The following STK39 variants were observed in gnomAD, a reference collection of about 807,000 sequenced individuals.
STK39 encodes serine/threonine kinase 39.
STK39 carries 20 observed loss-of-function variants against 77.8 expected under a neutral mutation model. The observed-to-expected ratio is 0.26, with a 90% CI of 0.18 to 0.37. The LOEUF (loss-of-function observed/expected upper bound fraction) is 0.37. Among genes scored for constraint, STK39 ranks in the 10% least tolerant of loss-of-function variants. The probability of loss-of-function intolerance (pLI) is 1.00; values close to 1 mark genes in which losing one functional copy is unlikely to be tolerated. For synonymous variants in STK39, 246 were observed against 234.1 expected, an observed-to-expected ratio of 1.05 and a Z score of -0.47; for missense variants, 479 against 656.5, an observed-to-expected ratio of 0.73 and a Z score of 2.95.
chr2:168,146,198 A>G (rs1688135553), intron 5 of STK39, among the ~76,000 whole-genome samples: 1 of 152,186 alleles, frequency 6.6e-6, no homozygotes, highest in African/African-American at 2.4e-5. Flanking sequence ...GATTTCCTTG[A>G]GCTTACAGAA....
intron 1 of STK39, among the ~76,000 whole-genome samples, chr2:168,193,997 C>G (rs567700645): frequency 5.8e-4 from 88 of 152,300 alleles, no homozygotes; most frequent in African/African-American, 1.7e-3. Flanking sequence ...AAGCAGATGC[C>G]TCGGCGTCAG....
intron 10 of STK39, among the ~76,000 whole-genome samples, chr2:168,076,661 T>C (rs1399048977): frequency 1.3e-5 from 2 of 152,184 alleles, no homozygotes; most frequent in Admixed American, 6.5e-5. Flanking sequence ...TTTTTCATAA[T>C]TGCAAATAGT....
At chr2:168,093,166 T>C (rs1345531644) in intron 10 of STK39, among the ~76,000 whole-genome samples, 4 of 152,202 alleles carry the variant, frequency 2.6e-5, no homozygotes, top group African/African-American at 7.2e-5. Context: ...AGTCTGAGCT[T>C]TTCCATAAAG....
intron 10 of STK39, among the ~76,000 whole-genome samples, chr2:168,105,890 A>G (rs1413303444): frequency 6.6e-6 from 1 of 152,250 alleles, no homozygotes; most frequent in Non-Finnish European, 1.5e-5. Flanking sequence ...TTAAAGAACA[A>G]TGAGGGTTTC....
chr2:168,227,736 C>G (rs1160378369), intron 1 of STK39, among the ~76,000 whole-genome samples: 1 of 152,192 alleles, frequency 6.6e-6, no homozygotes, highest in Non-Finnish European at 1.5e-5. Context: ...CAGCTCACTG[C>G]AAGCTCCACC....
rs149482009 is a variant in STK39 at position 168,180,853 on chromosome 2, C to T, written c.321+1125G>A. Among the ~76,000 whole-genome samples, 341 of 152,236 alleles carry T rather than the reference C, an allele frequency of 2.2e-3. 2 individuals carry two copies. Among genetic ancestry groups the T allele is most frequent in the African/African-American group, 7.8e-3 (326 of 41,536 alleles). ...CCCTGGTTCTCTTCTGAGTTTTAGC[C>T]GGCAATCCATTGCTTCAATAAAACC... On this transcript the variant is annotated intron_variant, in intron 2 of 17. Coordinates refer to ENST00000355999, the MANE Select transcript of STK39 (RefSeq NM_013233.3).
chr2:168,167,930 C>T (rs1688729518), intron 2 of STK39, among the ~76,000 whole-genome samples: 1 of 152,148 alleles, frequency 6.6e-6, no homozygotes, highest in South Asian at 2.1e-4. Context: ...TATTATTTCC[C>T]AGCTATCTGC....
chr2:167,970,174 T>A (rs1374841506), intron 16 of STK39, among the ~76,000 whole-genome samples: 3 of 152,204 alleles, frequency 2.0e-5, no homozygotes, highest in Non-Finnish European at 4.4e-5. Context: ...ACTCTCTCGT[T>A]ACCCAGAATT....
chr2:168,044,449 A>G (rs1480898978), intron 14 of STK39, among the ~76,000 whole-genome samples: 1 of 152,230 alleles, frequency 6.6e-6, no homozygotes, highest in Admixed American at 6.5e-5. Flanking sequence ...AAGAGAGGTT[A>G]CTGGGCATCA....
At chr2:168,189,527 T>G (rs1317139692) in intron 1 of STK39, among the ~76,000 whole-genome samples, 8 of 152,184 alleles carry the variant, frequency 5.3e-5, no homozygotes, top group African/African-American at 1.9e-4. Flanking sequence ...GTAATAACTT[T>G]CAATGATAAT....
chr2:168,139,727 C>T (rs1284334654), intron 7 of STK39, among the ~76,000 whole-genome samples: 1 of 152,058 alleles, frequency 6.6e-6, no homozygotes, highest in African/African-American at 2.4e-5. Flanking sequence ...AGCCCTGATA[C>T]CACTATCTCA....
At chr2:168,217,776 A>G (rs1690062661) in intron 1 of STK39, among the ~76,000 whole-genome samples, 1 of 152,222 alleles carries the variant, frequency 6.6e-6, no homozygotes, top group Non-Finnish European at 1.5e-5. Context: ...TACAGATGCA[A>G]TCATCCATTT....
In STK39 at chr2:168,031,230, G is replaced by A. The variant is rs191551504; in HGVS notation, c.1377-14135C>T. On this transcript the variant is annotated intron_variant, in intron 14 of 17. Transcript: ENST00000355999. ...GTACCAGAAGGGGTATGATTTGCAT[G>A]ACAGTATTTAAAGAGACGACAAATA... Among the ~76,000 whole-genome samples the A allele has an allele frequency of 3.9e-5, 6 of 152,316 alleles. No homozygotes were observed. In the East Asian group the frequency reaches 1.2e-3, roughly 29 times the overall value.
chr2:168,135,643 A>AATTC (rs1349853831), intron 8 of STK39, among the ~76,000 whole-genome samples: 3 of 152,230 alleles, frequency 2.0e-5, no homozygotes, highest in Non-Finnish European at 4.4e-5. Context: ...ATTAGTCATG[A>AATTC]ATTCATATGT....
rs144451627 is a variant in STK39 at position 168,015,289 on chromosome 2, C to T, written c.1429+1754G>A. 2.1e-3 allele frequency among the ~76,000 whole-genome samples: 320 copies of T among 152,284 alleles called. 4 individuals carry two copies. Among genetic ancestry groups the T allele is most frequent in the African/African-American group, 7.4e-3 (309 of 41,558 alleles). ...AATATTTTACGTTATACATTTTGTG[C>T]CATATATATTTATTCACATGTATAT... is the stretch of plus-strand genomic sequence containing the variant. On this transcript the variant is annotated intron_variant, in intron 15 of 17. Transcript: ENST00000355999.
chr2:168,147,121 G>A (rs1688159349), intron 5 of STK39, among the ~76,000 whole-genome samples: 1 of 152,214 alleles, frequency 6.6e-6, no homozygotes, highest in Non-Finnish European at 1.5e-5. Flanking sequence ...TCTTCTCTGA[G>A]TAAAGATCAA....
At chr2:167,964,431 CAAAGGTGTGACG>C (rs1692089456) in intron 17 of STK39, 3 of 459,554 alleles carry the variant, frequency 6.5e-6, no homozygotes, top group Non-Finnish European at 1.1e-5. Context: ...CGCTCTTAGT[CAAAGGTGTGACG>C]ATAAGAAAAA....
At chr2:168,238,385 G>C (rs543842918) in intron 1 of STK39, among the ~76,000 whole-genome samples, 1 of 152,298 alleles carries the variant, frequency 6.6e-6, no homozygotes, top group East Asian at 1.9e-4. Flanking sequence ...CCTAAGGGAA[G>C]AATCACATGA....
At position 168,009,666 on chromosome 2, in the gene STK39, C is replaced by T. The variant is rs1684220191; in HGVS notation, c.1498+2968G>A. On this transcript the variant is annotated intron_variant, in intron 16 of 17. Transcript: ENST00000355999. ...ATCAAATGAAATACATAAACATTGT[C>T]TGTAGACACTTAAGTGTGATGTCCA... 2.6e-5 allele frequency among the ~76,000 whole-genome samples: 4 copies of T among 152,130 alleles called. No homozygotes were observed. In the South Asian group the frequency reaches 8.3e-4, roughly 32 times the overall value.
Sources: allele counts gnomAD v4.1 joint callset (sites outside exome capture counted in the v4.1 genomes callset), GRCh38; gene constraint gnomAD v4.1.1; transcripts MANE v1.5; gene names NCBI Gene and HGNC (gene_info 2026-07-23, HGNC 2026-07-21).